Variants in ZNF76 observed in about 807,000 individuals in gnomAD.
ZNF76 encodes the protein zinc finger protein 76.
A neutral mutation model predicts 66.9 loss-of-function variants in ZNF76; 66 were observed. That is an observed-to-expected ratio of 0.99 (90% CI 0.81 to 1.21). ZNF76 has a LOEUF of 1.21. Ranked by LOEUF, ZNF76 falls within the 50% of genes most tolerant of loss-of-function variation. The probability of loss-of-function intolerance (pLI) is 0.00; values close to 1 mark genes in which losing one functional copy is unlikely to be tolerated. For synonymous variants in ZNF76, 275 were observed against 296.1 expected (o/e 0.93, Z 0.73); for missense variants, 729 against 760.3 (o/e 0.96, Z 0.48).
chr6:35,285,840 C>T (rs994645252), intron 2 of ZNF76, among the ~76,000 whole-genome samples: 12 of 152,208 alleles, frequency 7.9e-5, no homozygotes, highest in Admixed American at 7.9e-4. Context: ...TGGAAGTTTC[C>T]ACTTGGCTGG....
intron 1 of ZNF76, among the ~76,000 whole-genome samples, chr6:35,262,374 A>G (rs981933399): frequency 6.6e-6 from 1 of 152,142 alleles, no homozygotes; most frequent in African/African-American, 2.4e-5. Flanking sequence ...TCCTACTGCC[A>G]TTTTCTCAAG....
chr6:35,286,500 A>T, intron 4 of ZNF76, 101 bp downstream of exon 4: 1 of 1,101,692 alleles, frequency 9.1e-7, no homozygotes, highest in South Asian at 1.3e-5. Flanking sequence ...TGGGGTGTAG[A>T]CATGGGAGCT....
At chr6:35,276,963 A>ATTTT (rs11439435) in intron 1 of ZNF76, among the ~76,000 whole-genome samples, 2 of 141,298 alleles carry the variant, frequency 1.4e-5, no homozygotes, top group Non-Finnish European at 3.1e-5. Flanking sequence ...TAATTTTTGT[A>ATTTT]TTTTTTTTTT....
intron 1 of ZNF76, 108 bp downstream of exon 1, chr6:35,259,949 C>G (rs1018082259): frequency 4.6e-5 from 7 of 152,136 alleles, no homozygotes; most frequent in African/African-American, 1.7e-4. Flanking sequence ...CCCTCCGGCC[C>G]TAGCAGGGCG....
At chr6:35,271,116 T>G (rs1786991817) in intron 1 of ZNF76, among the ~76,000 whole-genome samples, 1 of 152,262 alleles carries the variant, frequency 6.6e-6, no homozygotes, top group South Asian at 2.1e-4. Flanking sequence ...GATGGACATT[T>G]ATGCTGTTTC....
chr6:35,278,774 G>A lies in ZNF76; in HGVS notation c.-96-2282G>A, dbSNP rs1788309679. On this transcript the variant is annotated intron_variant, in intron 1 of 13. Transcript: ENST00000373953. The stretch of plus-strand genomic sequence containing the variant: ...CTGCTAGAGCAGGCTGCACACCACA[G>A]TGGGTACAGAAGATATCCTGCCAGC... 2.0e-5 allele frequency among the ~76,000 whole-genome samples: 3 copies of A among 152,266 alleles called. No individual in the cohort carries two copies. In the South Asian group the frequency reaches 6.2e-4, roughly 31 times the overall value.
In ZNF76 at chr6:35,295,120, C is replaced by T. The variant is rs768925094; in HGVS notation, c.1609-24C>T. The T allele has an allele frequency of 2.3e-5, 36 of 1,589,336 alleles. No individual in the cohort carries two copies. The East Asian group carries it at 8.1e-4, about 36-fold the overall frequency. ...GCAGGGAGGGTCTCACTGTCTCCTT[C>T]CTTCTGCACCCCCTTCCCCACAGCT... On this transcript the variant is annotated intron_variant, in intron 13 of 13. Coordinates refer to ENST00000373953, the MANE Select transcript of ZNF76 (RefSeq NM_003427.5).
At chr6:35,290,508 C>T (rs1275235143) in intron 6 of ZNF76, 126 bp downstream of exon 6, 2 of 1,518,212 alleles carry the variant, frequency 1.3e-6, no homozygotes, top group Non-Finnish European at 1.8e-6. Context: ...TGAGGGTACA[C>T]AGGAATGCCA....
chr6:35,260,737 G>C (rs1785125118), intron 1 of ZNF76, among the ~76,000 whole-genome samples: 3 of 152,262 alleles, frequency 2.0e-5, no homozygotes, highest in East Asian at 1.9e-4. Context: ...CATCATGACT[G>C]TGATGAGGTT....
At chr6:35,293,196 C>A in intron 11 of ZNF76, 152 bp downstream of exon 11, 1 of 884,064 alleles carries the variant, frequency 1.1e-6, no homozygotes, top group African/African-American at 1.7e-5. Context: ...GAGGAGACCA[C>A]ATCTTGCAGC....
Position 35,291,706 on chromosome 6 carries a change from C to T in ZNF76, c.900C>T (p.Thr300=). The T allele has an allele frequency of 1.2e-6, 2 of 1,612,034 alleles. No individual in the cohort carries two copies. Among genetic ancestry groups the T allele is most frequent in the Non-Finnish European group, 1.7e-6 (2 of 1,179,986 alleles). ...PHCGRGFTSA[T]NYKNHVRIHT... ...GTGGCCGCGGCTTCACCAGCGCCAC[C>T]AACTATAAGAATCACGTGCGCATCC... The change falls in exon 9 of 14, where the codon ACC becomes ACT. Residue 300 remains threonine (T), a synonymous_variant. Coordinates refer to ENST00000373953, the MANE Select transcript of ZNF76 (RefSeq NM_003427.5).
chr6:35,295,052 T>C, intron 13 of ZNF76, 92 bp from the exon 14 acceptor site: 1 of 954,498 alleles, frequency 1.0e-6, no homozygotes, highest in Non-Finnish European at 1.6e-6. Context: ...TGGGGGAGAG[T>C]CAAAAAAAAA....
At chr6:35,266,497 A>G (rs1786096073) in intron 1 of ZNF76, among the ~76,000 whole-genome samples, 1 of 152,226 alleles carries the variant, frequency 6.6e-6, no homozygotes, top group African/African-American at 2.4e-5. Flanking sequence ...GGAGGAGATA[A>G]GGAATTCACT....
chr6:35,294,883 G>T, intron 13 of ZNF76: 1 of 573,666 alleles, frequency 1.7e-6, no homozygotes, highest in Non-Finnish European at 3.1e-6. Flanking sequence ...GATCACCACG[G>T]TTCTCTTCAG....
intron 4 of ZNF76, 102 bp downstream of exon 4, chr6:35,286,501 C>A: frequency 9.1e-7 from 1 of 1,096,480 alleles, no homozygotes; most frequent in Non-Finnish European, 1.4e-6. Context: ...GGGGTGTAGA[C>A]ATGGGAGCTG....
chr6:35,293,126 G>T, intron 11 of ZNF76, 82 bp downstream of exon 11: 1 of 1,512,096 alleles, frequency 6.6e-7, no homozygotes, highest in South Asian at 1.3e-5. Context: ...CTGAAGTTCT[G>T]ACAGCCCCAC....
chr6:35,271,530 G>A (rs1456896424), intron 1 of ZNF76, among the ~76,000 whole-genome samples: 1 of 152,154 alleles, frequency 6.6e-6, no homozygotes, highest in Non-Finnish European at 1.5e-5. Context: ...ATTTCCCGGG[G>A]GTGATGGCTC....
intron 11 of ZNF76, among the ~76,000 whole-genome samples, chr6:35,293,364 A>G (rs1790719185): frequency 6.6e-6 from 1 of 152,206 alleles, no homozygotes; most frequent in Non-Finnish European, 1.5e-5. Context: ...AGCAGCCAGA[A>G]CATGGTATGG....
chr6:35,259,862 T>C (rs983124243), intron 1 of ZNF76, 21 bp downstream of exon 1: 14 of 151,380 alleles, frequency 9.2e-5, no homozygotes, highest in African/African-American at 3.2e-4. Flanking sequence ...GCGGGAGGAG[T>C]GGGCCAACCA....
Sources: gnomAD v4.1 joint callset for allele counts (sites outside exome capture counted in the v4.1 genomes callset) on GRCh38, gnomAD v4.1.1 for gene constraint, MANE v1.5 for transcripts, NCBI Gene and HGNC (gene_info 2026-07-23, HGNC 2026-07-21) for gene names.